FLT1: variants seen among roughly 807,000 people sequenced by gnomAD.
FLT1 encodes fms related receptor tyrosine kinase 1, also known as vascular endothelial growth factor receptor 1.
FLT1 carries 49 observed loss-of-function variants against 156.3 expected under a neutral mutation model. The ratio of observed to expected loss-of-function variants is 0.31; its 90% CI spans 0.25 to 0.40. The LOEUF is 0.40. Among genes scored for constraint, FLT1 ranks in the 10% least tolerant of loss-of-function variants. The probability of loss-of-function intolerance (pLI) is 1.00; values close to 1 mark genes in which losing one functional copy is unlikely to be tolerated. For missense variants in FLT1, 1,322 were observed against 1,637.2 expected (o/e 0.81, Z 3.32); for synonymous variants, 594 against 583.8 (o/e 1.02, Z -0.25).
At chr13:28,487,551 G>A (rs144869918) in intron 1 of FLT1, among the ~76,000 whole-genome samples, 1 of 152,212 alleles carries the variant, frequency 6.6e-6, no homozygotes, top group Non-Finnish European at 1.5e-5. Flanking sequence ...TGTGAGCACC[G>A]TGATAATCTG....
intron 4 of FLT1, among the ~76,000 whole-genome samples, chr13:28,436,280 C>A (rs998692706): frequency 2.0e-5 from 3 of 152,058 alleles, no homozygotes; most frequent in African/African-American, 7.3e-5. Flanking sequence ...CTGACCATGG[C>A]TCCGACAAAG....
intron 11 of FLT1, among the ~76,000 whole-genome samples, chr13:28,397,373 C>T (rs1593744338): frequency 6.6e-6 from 1 of 152,114 alleles, no homozygotes; most frequent in South Asian, 2.1e-4. Context: ...TGGGACTGCA[C>T]GTCCTACCCT....
intron 14 of FLT1, among the ~76,000 whole-genome samples, chr13:28,358,796 T>A (rs1351221197): frequency 6.6e-6 from 1 of 152,076 alleles, no homozygotes; most frequent in Non-Finnish European, 1.5e-5. Flanking sequence ...TGAATGAGAA[T>A]GAGTGAATAC....
In FLT1 at chr13:28,427,759, A is replaced by C; in HGVS notation, c.1269T>G (p.Ile423Met). 6.2e-7 allele frequency: 1 copy of C among 1,613,850 alleles called. No homozygotes were observed. The highest frequency in any genetic ancestry group is 8.5e-7 in the Non-Finnish European group (1 of 1,179,752). ...TATGAACAGCAAACTTACCATTGACAATTAGAGTGGCAGTGAGGTTTTTAA... is the reference window on the plus strand; with the variant it reads ...TATGAACAGCAAACTTACCATTGACCATTAGAGTGGCAGTGAGGTTTTTAA... Reference protein sequence around the residue: ...NVFKNLTATLIVNVKPQIYEK... With the variant: ...NVFKNLTATLMVNVKPQIYEK... Residue 423 changes from isoleucine to methionine, a missense_variant, in exon 9 of 30, where the codon ATT becomes ATG. Transcript: ENST00000282397.
intron 29 of FLT1, among the ~76,000 whole-genome samples, chr13:28,305,453 C>T (rs1392389843): frequency 6.6e-6 from 1 of 152,144 alleles, no homozygotes; most frequent in African/African-American, 2.4e-5. Context: ...AGTGATCCAC[C>T]CACCTCAGCC....
intron 14 of FLT1, among the ~76,000 whole-genome samples, chr13:28,366,503 CTT>C (rs1273061519): frequency 1.3e-5 from 2 of 150,800 alleles, no homozygotes. Flanking sequence ...GAGTTTTGCT[CTT>C]GTTATCCAGG....
chr13:28,387,154 G>A (rs1672571425), intron 13 of FLT1: 1 of 1,035,454 alleles, frequency 9.7e-7, no homozygotes, highest in Non-Finnish European at 1.2e-6. Context: ...TCAGATGATA[G>A]AAGCAGCAAA....
At chr13:28,433,197 CAT>C (rs1039720744) in intron 6 of FLT1, among the ~76,000 whole-genome samples, 72 of 152,212 alleles carry the variant, frequency 4.7e-4, no homozygotes, top group African/African-American at 1.7e-3. Flanking sequence ...AACAGTTTAT[CAT>C]AGTTTCCCCA....
At position 28,439,214 on chromosome 13, in the gene FLT1, C is replaced by G. The variant is rs570531620; in HGVS notation, c.389-869G>C. Among the ~76,000 whole-genome samples the G allele has an allele frequency of 6.6e-6, 1 of 152,144 alleles. No homozygotes were observed. The highest frequency in any genetic ancestry group is 2.1e-4 in the South Asian group (1 of 4,816). On this transcript the variant is annotated intron_variant, in intron 3 of 29. Transcript: ENST00000282397. This position sits in a 1 kb window ranked among gnomAD's most constrained non-coding sequence, Gnocchi z 4.1. ...TCTCAGTCTACCCTGCCCTTGCCCTCGGGAATCTATTGACATCCTCAGGCA... is the reference window on the plus strand; with the variant it reads ...TCTCAGTCTACCCTGCCCTTGCCCTGGGGAATCTATTGACATCCTCAGGCA...
intron 3 of FLT1, among the ~76,000 whole-genome samples, chr13:28,445,906 A>G (rs1371229310): frequency 1.3e-5 from 2 of 152,198 alleles, no homozygotes; most frequent in Non-Finnish European, 2.9e-5. Flanking sequence ...CAAAAAACTC[A>G]ATAAAGTACT....
intron 22 of FLT1, 94 bp from the exon 23 acceptor site, chr13:28,321,679 C>T (rs551100991): frequency 5.4e-6 from 7 of 1,303,136 alleles, no homozygotes. Context: ...TTTGGGAATC[C>T]ATTTCACATG....
chr13:28,412,369 T>TTTCTTTCTTTCTTTCC (rs1566013050), intron 10 of FLT1, among the ~76,000 whole-genome samples: 2 of 83,176 alleles, frequency 2.4e-5, no homozygotes, highest in East Asian at 7.1e-4. Context: ...TCTTTCTTTC[T>TTTCTTTCTTTCTTTCC]TTCTTTCTTT....
In FLT1 at chr13:28,308,611, T is replaced by C. The variant is rs112201508; in HGVS notation, c.3720+232A>G. On this transcript the variant is annotated intron_variant, in intron 28 of 29. Transcript: ENST00000282397. ...CAATGGAGTTTCCTCAGGGTCTAAA[T>C]TCCTACCACGCAGGGACTTGGGTCC... Among the ~76,000 whole-genome samples the C allele has an allele frequency of 7.7e-3, 1,170 of 152,336 alleles. 21 individuals are homozygous for C. The highest frequency in any genetic ancestry group is 0.026 in the African/African-American group (1,076 of 41,570).
chr13:28,480,043 A>AT (rs1307991611), intron 1 of FLT1, among the ~76,000 whole-genome samples: 1 of 152,202 alleles, frequency 6.6e-6, no homozygotes, highest in East Asian at 1.9e-4. Flanking sequence ...CTCCCATGAA[A>AT]TTAAGCCACC....
chr13:28,447,544 T>A (rs956312552), intron 3 of FLT1, among the ~76,000 whole-genome samples: 1 of 152,002 alleles, frequency 6.6e-6, no homozygotes, highest in Admixed American at 6.6e-5. Flanking sequence ...AAATATGGCA[T>A]TGGATTCTTA....
At chr13:28,368,561 G>A (rs191575003) in intron 14 of FLT1, 4 of 1,509,312 alleles carry the variant, frequency 2.7e-6, no homozygotes, top group Admixed American at 2.0e-5. Flanking sequence ...TGATGATGAT[G>A]ATGATAATGA....
intron 29 of FLT1, among the ~76,000 whole-genome samples, chr13:28,305,582 G>A (rs1249597576): frequency 6.6e-6 from 1 of 152,160 alleles, no homozygotes; most frequent in African/African-American, 2.4e-5. Context: ...CACTGGCCAT[G>A]CCCACCTGTT....
chr13:28,494,914 C>G lies in FLT1; in HGVS notation c.-71G>C. ...GGCCAACGACCCGGCCGCCAGAGTC[C>G]GTCCTCTCGTTCGCCGCCGCCGGCC... On this transcript the variant is annotated 5_prime_UTR_variant, in exon 1 of 30. Transcript: ENST00000282397. The G allele has an allele frequency of 7.8e-7, 1 of 1,283,250 alleles. No homozygotes were observed. The highest frequency in any genetic ancestry group is 1.4e-5 in the South Asian group (1 of 69,876). The allele number at this position is 1,283,250 out of a possible 1,614,324, so 79.5% of individuals were successfully genotyped here.
intron 3 of FLT1, among the ~76,000 whole-genome samples, chr13:28,455,167 G>A (rs1185474201): frequency 6.6e-6 from 1 of 152,164 alleles, no homozygotes; most frequent in African/African-American, 2.4e-5. Flanking sequence ...AGTTTATATG[G>A]AGAGGCAAAA....
Sources: allele counts gnomAD v4.1 joint callset (sites outside exome capture counted in the v4.1 genomes callset), GRCh38; gene constraint gnomAD v4.1.1; non-coding constraint Gnocchi (gnomAD v3.1); transcripts MANE v1.5; gene names NCBI Gene and HGNC (gene_info 2026-07-23, HGNC 2026-07-21).